The following INSRR variants were observed in gnomAD, a reference collection of about 807,000 sequenced individuals.
INSRR encodes insulin receptor-related protein.
Under a neutral mutation model 130.0 loss-of-function variants are expected in INSRR, and 114 were observed. The observed-to-expected ratio is 0.88, with a 90% confidence interval of 0.75 to 1.02. The LOEUF (loss-of-function observed/expected upper bound fraction) is 1.02, where lower values mean the gene tolerates loss of function less well. Among genes scored for constraint, INSRR ranks in the 50% least tolerant of loss-of-function variants. The probability of loss-of-function intolerance (pLI) is 0.00; values close to 1 mark genes in which losing one functional copy is unlikely to be tolerated. For synonymous variants in INSRR, 674 were observed against 705.2 expected (o/e 0.96, Z 0.70); for missense variants, 1,657 against 1,735.2 (o/e 0.95, Z 0.80).
At chr1:156,849,547 G>A in intron 5 of INSRR, 87 bp from the exon 6 acceptor site, 1 of 1,009,136 alleles carries the variant, frequency 9.9e-7, no homozygotes, top group Non-Finnish European at 1.5e-6. Context: ...TCCTGGAAGG[G>A]TTTTGCTGGG....
rs777793536 is a variant in INSRR, at chr1:156,854,014, G to A, written c.375C>T (p.Asp125=). ...LVIFEMPHLR[D]VALPALGAVL... ...CGGCCCCAAGTGCAGGCAGTGCCACGTCACGCAGATGTGGCATCTCAAAGA... is the reference window on the plus strand; with the variant it reads ...CGGCCCCAAGTGCAGGCAGTGCCACATCACGCAGATGTGGCATCTCAAAGA... Residue 125 remains aspartate, a synonymous_variant, in exon 2 of 22, where the codon GAC becomes GAT. Coordinates refer to ENST00000368195, the MANE Select transcript of INSRR (RefSeq NM_014215.3). This position sits in a 1 kb window ranked among gnomAD's most constrained non-coding sequence, Gnocchi z 4.2. 1.9e-5 allele frequency: 30 copies of A among 1,613,802 alleles called. No individual in the cohort carries two copies. Among genetic ancestry groups the A allele is most frequent in the Non-Finnish European group, 2.3e-5 (27 of 1,179,916 alleles).
chr1:156,845,446 G>T (rs775956532), intron 10 of INSRR, 33 bp from the exon 11 acceptor site: 21 of 1,528,706 alleles, frequency 1.4e-5, no homozygotes, highest in Admixed American at 6.4e-5. Flanking sequence ...TATCAGGCCT[G>T]TCCGGATGCA....
Position 156,844,383 on chromosome 1 carries a change from C to T in INSRR, c.2737+79G>A, listed in dbSNP as rs187764181. 1.5e-4 allele frequency: 219 copies of T among 1,489,024 alleles called. 4 individuals are homozygous for T. The highest frequency in any genetic ancestry group is 1.1e-3 in the South Asian group (88 of 83,772). The allele number at this position is 1,489,024 out of a possible 1,614,324, so 92.2% of individuals were successfully genotyped here. A position where few individuals can be genotyped will look rare whatever the true frequency, so the allele number is the denominator to read the frequency against. On this transcript the variant is annotated intron_variant, in intron 14 of 21. Transcript: ENST00000368195. ...TGGGAGGTGAGGATGGGGAGGGATGCGGGGGAGGGGCCTGTGGTGGGCTGG... is the reference window on the plus strand; with the variant it reads ...TGGGAGGTGAGGATGGGGAGGGATGTGGGGGAGGGGCCTGTGGTGGGCTGG...
Position 156,851,937 on chromosome 1 carries a change from C to T in INSRR, c.892G>A (p.Gly298Ser), listed in dbSNP as rs148884402. 5.6e-6 allele frequency: 9 copies of T among 1,604,030 alleles called. No homozygotes were observed. Among genetic ancestry groups the T allele is most frequent in the Non-Finnish European group, 7.7e-6 (9 of 1,172,452 alleles). Residue 298 changes from glycine (G) to serine (S), a missense_variant, in exon 3 of 22, where the codon GGC (glycine) becomes AGC (serine). Gly to Ser is a moderately conservative substitution (Grantham distance 56). Coordinates refer to ENST00000368195, the MANE Select transcript of INSRR (RefSeq NM_014215.3). ...GAAGGGCACTGGGCCAGGCAACTGC[C>T]CTGGTGTATGCCGAAGGTGGAGGCA... The part of the protein sequence containing the change: ...GRASTFGIHQ[G>S]SCLAQCPSGF...
chr1:156,851,399 G>T lies in INSRR; in HGVS notation c.1120C>A (p.Leu374Met), dbSNP rs776963651. The change falls in exon 5 of 22, where the codon CTG (leucine) becomes ATG (methionine). Residue 374 changes from leucine (L) to methionine (M), a missense_variant. Physicochemically the swap from Leu to Met is conservative, Grantham distance 15. Coordinates refer to ENST00000368195, the MANE Select transcript of INSRR (RefSeq NM_014215.3). ...LEPQLQHSLG[L>M]VETITGFLKI... is the part of the protein sequence containing the mutation. The stretch of plus-strand genomic sequence containing the variant: ...AGGAAGCCAGTAATGGTTTCTACCA[G>T]CCCCAGGCTGTGCTGCAGCTGTGGC... 15 of 1,614,182 alleles carry T rather than the reference G, an allele frequency of 9.3e-6. No individual in the cohort carries two copies. Among genetic ancestry groups the T allele is most frequent in the Middle Eastern group, 1.6e-4 (1 of 6,062 alleles).
intron 2 of INSRR, 123 bp from the exon 3 acceptor site, chr1:156,852,314 T>C: frequency 1.0e-6 from 1 of 955,510 alleles, no homozygotes; most frequent in Non-Finnish European, 1.5e-6. Flanking sequence ...TCCCTCCCAT[T>C]CAGATGACAC....
chr1:156,857,980 GGTGTT>G (rs1393072980), intron 1 of INSRR, among the ~76,000 whole-genome samples: 3 of 152,154 alleles, frequency 2.0e-5, no homozygotes, highest in Non-Finnish European at 2.9e-5. Flanking sequence ...CAGGCCCTGG[GGTGTT>G]GAGGAAGAGC....
chr1:156,848,828 C>A (rs1336896941), intron 7 of INSRR, 93 bp downstream of exon 7: 2 of 1,450,726 alleles, frequency 1.4e-6, no homozygotes, highest in East Asian at 5.0e-5. Context: ...GTCTTCATAG[C>A]CTCGCTGAGC....
At chr1:156,855,196 C>CTATCTATCTATCTATA (rs398069571) in intron 1 of INSRR, among the ~76,000 whole-genome samples, 1 of 146,514 alleles carries the variant, frequency 6.8e-6, no homozygotes, top group Non-Finnish European at 1.5e-5. Flanking sequence ...ATCTATCTAT[C>CTATCTATCTATCTATA]TATCTATCTA....
chr1:156,842,000 T>G lies in INSRR; in HGVS notation c.3397+112A>C. ...ACTAAGATACAGGGTGGGGGTGACT[T>G]GCCAAGGGTCTCACAGGCTGTCAGG... On this transcript the variant is annotated intron_variant, in intron 19 of 21. Coordinates refer to ENST00000368195, the MANE Select transcript of INSRR (RefSeq NM_014215.3). 3.2e-6 allele frequency: 5 copies of G among 1,576,158 alleles called. No homozygotes were observed. In the South Asian group the frequency reaches 5.7e-5, roughly 18 times the overall value.
At chr1:156,848,813 C>T in intron 7 of INSRR, 108 bp downstream of exon 7, 1 of 1,374,068 alleles carries the variant, frequency 7.3e-7, no homozygotes, top group South Asian at 1.4e-5. Context: ...GTCCTGGCTT[C>T]CTGGGTCTTC....
Position 156,854,218 on chromosome 1 carries a change from G to A in INSRR, c.171C>T (p.Ile57=). The change falls in exon 2 of 22, where the codon ATC becomes ATT. Residue 57 remains isoleucine, a synonymous_variant. Transcript: ENST00000368195. The surrounding 1 kb of genome is among the most constrained non-coding windows in gnomAD (Gnocchi z 4.2). ...NCSVVEGHLQ[I]LLMFTATGED... ...CCCCGGTGGCTGTGAACATGAGCAG[G>A]ATCTGCAGGTGGCCCTCCACCACGC... 1 of 1,614,028 alleles carries A rather than the reference G, an allele frequency of 6.2e-7. No homozygotes were observed. Among genetic ancestry groups the A allele is most frequent in the Non-Finnish European group, 8.5e-7 (1 of 1,180,030 alleles).
chr1:156,855,969 C>G (rs1242640010), intron 1 of INSRR, among the ~76,000 whole-genome samples: 1 of 151,838 alleles, frequency 6.6e-6, no homozygotes, highest in African/African-American at 2.4e-5. Flanking sequence ...GAGACATGGT[C>G]TCACTCTGTT....
chr1:156,854,334 T>A lies in INSRR; in HGVS notation c.86-31A>T, dbSNP rs1413485128. On this transcript the variant is annotated intron_variant, in intron 1 of 21. Transcript: ENST00000368195. The surrounding 1 kb of genome is among the most constrained non-coding windows in gnomAD (Gnocchi z 4.2). Reference sequence around the variant, plus strand: ...GGCATACACGGCACGCAGCATTGAGTACAGCCCAGGCCAAATTCCCCATCC... The same window carrying A: ...GGCATACACGGCACGCAGCATTGAGAACAGCCCAGGCCAAATTCCCCATCC... 7 of 1,568,838 alleles carry A rather than the reference T, an allele frequency of 4.5e-6. No homozygotes were observed. In the South Asian group the frequency reaches 8.4e-5, roughly 19 times the overall value.
chr1:156,844,669 C>G, intron 13 of INSRR, 38 bp downstream of exon 13: 1 of 1,613,922 alleles, frequency 6.2e-7, no homozygotes, highest in Non-Finnish European at 8.5e-7. Context: ...GATGTAGGCA[C>G]AAAACGGGGC....
In INSRR at chr1:156,851,704, C is replaced by A. The variant is rs1256043529; in HGVS notation, c.1026G>T (p.Gln342His). 6.8e-6 allele frequency: 11 copies of A among 1,614,098 alleles called. No homozygotes were observed. Among genetic ancestry groups the A allele is most frequent in the Non-Finnish European group, 9.3e-6 (11 of 1,180,028 alleles). Residue 342 changes from glutamine (Q) to histidine (H), a missense_variant, in exon 4 of 22, where the codon CAG becomes CAT. Gln to His is a conservative substitution (Grantham distance 24, BLOSUM62 0). Transcript: ENST00000368195. ...CCACATGCGTGCAGCCCACAAGATCCTGTGCCGCCTGGATGGAGTCGATGG... is the reference window on the plus strand; with the variant it reads ...CCACATGCGTGCAGCCCACAAGATCATGTGCCGCCTGGATGGAGTCGATGG... Reference protein sequence around the residue: ...TKTIDSIQAAQDLVGCTHVEG... With the variant: ...TKTIDSIQAAHDLVGCTHVEG...
chr1:156,851,492 C>A, intron 4 of INSRR, 58 bp from the exon 5 acceptor site: 1 of 1,609,986 alleles, frequency 6.2e-7, no homozygotes. Context: ...GTCTGTGGGG[C>A]AAGGGGGCTG....
At chr1:156,853,615 AC>A in intron 2 of INSRR, 136 bp downstream of exon 2, 1 of 899,334 alleles carries the variant, frequency 1.1e-6, no homozygotes, top group African/African-American at 1.7e-5. Context: ...TAGTTTCCTT[AC>A]CTGCCTCATA....
rs1174294026 is a variant in INSRR, at chr1:156,848,912, G to A, written c.1571+9C>T. 2.7e-6 allele frequency: 4 copies of A among 1,466,234 alleles called. No homozygotes were observed. The highest frequency in any genetic ancestry group is 3.6e-4 in the Middle Eastern group (2 of 5,626). The allele number at this position is 1,466,234 out of a possible 1,614,324, so 90.8% of individuals were successfully genotyped here. A position where few individuals can be genotyped will look rare whatever the true frequency, so the allele number is the denominator to read the frequency against. The stretch of plus-strand genomic sequence containing the variant: ...CCGCCCCCGCTCCGGCCCCGCCCCC[G>A]GCACTCACGACTCCTTGTAGTACAC... On this transcript the variant is annotated intron_variant, in intron 7 of 21. Transcript: ENST00000368195.
Sources: gnomAD v4.1 joint callset for allele counts (sites outside exome capture counted in the v4.1 genomes callset) on GRCh38, gnomAD v4.1.1 for gene constraint, Gnocchi (gnomAD v3.1) non-coding constraint, MANE v1.5 for transcripts, NCBI Gene and HGNC (gene_info 2026-07-23, HGNC 2026-07-21) for gene names.